Variants in PALM2AKAP2 observed in about 807,000 individuals in gnomAD.
PALM2AKAP2 encodes the protein PALM2 and AKAP2 fusion.
Under a neutral mutation model 71.5 loss-of-function variants are expected in PALM2AKAP2, and 37 were observed. That is an observed-to-expected ratio of 0.52 (90% CI 0.40 to 0.68). The LOEUF (loss-of-function observed/expected upper bound fraction) is 0.68. Ranked by LOEUF, PALM2AKAP2 falls within the 30% of genes least tolerant of loss-of-function variation. The probability of loss-of-function intolerance (pLI) is 0.00; values close to 1 mark genes in which losing one functional copy is unlikely to be tolerated. For missense variants in PALM2AKAP2, 1,224 were observed against 1,191.8 expected, an observed-to-expected ratio of 1.03 and a Z score of -0.40; for synonymous variants, 468 against 478.8, an observed-to-expected ratio of 0.98 and a Z score of 0.29.
chr9:109,939,709 C>T (rs1175621977), intron 6 of PALM2AKAP2, among the ~76,000 whole-genome samples: 1 of 152,178 alleles, frequency 6.6e-6, no homozygotes, highest in Non-Finnish European at 1.5e-5. Flanking sequence ...CTATTCTATT[C>T]TTCTGATGGC....
intron 7 of PALM2AKAP2, among the ~76,000 whole-genome samples, chr9:110,020,382 T>C (rs528540924): frequency 6.6e-6 from 1 of 152,158 alleles, no homozygotes; most frequent in African/African-American, 2.4e-5. Flanking sequence ...GAACTGTGAG[T>C]CAATTAAACC....
chr9:110,053,959 G>T (rs1693843932), intron 1 of PALM2AKAP2, among the ~76,000 whole-genome samples: 1 of 152,218 alleles, frequency 6.6e-6, no homozygotes, highest in Non-Finnish European at 1.5e-5. Flanking sequence ...GGAGCAGATG[G>T]GGTGGCAAGG....
chr9:110,012,612 TAAAAC>T (rs1832905099), intron 6 of PALM2AKAP2, among the ~76,000 whole-genome samples: 1 of 152,256 alleles, frequency 6.6e-6, no homozygotes, highest in African/African-American at 2.4e-5. Context: ...CTAAAACACT[TAAAAC>T]TAAAATAGCA....
intron 1 of PALM2AKAP2, among the ~76,000 whole-genome samples, chr9:110,135,164 A>AAAAAAAT: frequency 9.7e-5 from 5 of 51,744 alleles, no homozygotes; most frequent in Non-Finnish European, 1.1e-4. Context: ...AAAAAAAAAA[A>AAAAAAAT]ATATATAAAT....
intron 6 of PALM2AKAP2, among the ~76,000 whole-genome samples, chr9:109,955,615 G>A (rs1338645365): frequency 6.6e-6 from 1 of 151,448 alleles, no homozygotes; most frequent in Non-Finnish European, 1.5e-5. Flanking sequence ...TCATGTGGTT[G>A]TAGAATACTA....
rs149121985 is a variant in PALM2AKAP2, at chr9:109,642,081, A to C, written c.5+1215A>C. Among the ~76,000 whole-genome samples, 613 of 152,242 alleles carry C rather than the reference A, an allele frequency of 4.0e-3. 4 individuals are homozygous for C. The highest frequency in any genetic ancestry group is 0.014 in the African/African-American group (575 of 41,536). ...ACAAAGATGTTCCTTACTCACTTTG[A>C]AGCATTATTGAGAGGATCATGTAAT... On this transcript the variant is annotated intron_variant, in intron 1 of 6. Transcript: ENST00000374531.
At chr9:109,706,702 C>T (rs773183272) in intron 1 of PALM2AKAP2, among the ~76,000 whole-genome samples, 2 of 152,098 alleles carry the variant, frequency 1.3e-5, no homozygotes, top group Non-Finnish European at 2.9e-5. Flanking sequence ...TTTGGTATGT[C>T]CATAAATAAA....
intron 1 of PALM2AKAP2, among the ~76,000 whole-genome samples, chr9:109,743,185 TC>T (rs1212242065): frequency 1.3e-5 from 2 of 152,292 alleles, no homozygotes; most frequent in South Asian, 4.1e-4. Context: ...AAGGGAGGGA[TC>T]TTTTTCCCTC....
chr9:109,828,393 T>C (rs1360885897), intron 1 of PALM2AKAP2, among the ~76,000 whole-genome samples: 2 of 152,226 alleles, frequency 1.3e-5, no homozygotes, highest in East Asian at 3.8e-4. Flanking sequence ...GGCATGTGTG[T>C]CTTCTCAGGA....
chr9:109,865,707 GCC>G (rs1462634141), intron 1 of PALM2AKAP2, among the ~76,000 whole-genome samples: 1 of 152,194 alleles, frequency 6.6e-6, no homozygotes, highest in Non-Finnish European at 1.5e-5. Context: ...TGAGTCATCA[GCC>G]TCTCATATCT....
chr9:110,041,322 G>A (rs1233454029), intron 7 of PALM2AKAP2, among the ~76,000 whole-genome samples: 1 of 151,428 alleles, frequency 6.6e-6, no homozygotes, highest in African/African-American at 2.4e-5. Context: ...TAGTATACTG[G>A]TGCCATTTAC....
In PALM2AKAP2 at chr9:110,091,459, C is replaced by CTTTTTTTTTTTTTT. The variant is rs66848294; in HGVS notation, c.156+42612_156+42625dup. 1.9e-4 allele frequency among the ~76,000 whole-genome samples: 16 copies of CTTTTTTTTTTTTTT among 83,652 alleles called. 2 individuals are homozygous for CTTTTTTTTTTTTTT. Among genetic ancestry groups the CTTTTTTTTTTTTTT allele is most frequent in the African/African-American group, 4.1e-4 (8 of 19,320 alleles). 54.9% of individuals were successfully genotyped at this position (83,652 alleles called of 152,430 possible). On this transcript the variant is annotated intron_variant, in intron 1 of 3. Coordinates refer to ENST00000374525, the Ensembl canonical transcript of PALM2AKAP2. ...GGCTTTTTAATCTTTGAGATTTATT[C>CTTTTTTTTTTTTTT]TTTTTTTTTTTTTTTTTTTTTGAGA...
At chr9:109,669,371 T>A (rs1827540306) in intron 1 of PALM2AKAP2, among the ~76,000 whole-genome samples, 1 of 152,300 alleles carries the variant, frequency 6.6e-6, no homozygotes, top group Non-Finnish European at 1.5e-5. Context: ...CAGGCTTCTT[T>A]ATCTATGTTC....
rs777339321 is a variant in PALM2AKAP2, at chr9:110,138,044, CCTGAAGCGA to C, written c.2078_2086del (p.Glu693_Thr695del). On this transcript the variant is annotated inframe_deletion, in exon 2 of 4. Transcript: ENST00000374525. ...CAGGGATGGAGCAGAGCAACAGGGA[CCTGAAGCGA>C]CTGTAGAGGAAGCTGAAGCTGCGGC... is the stretch of plus-strand genomic sequence containing the variant. 5.0e-6 allele frequency: 8 copies of C among 1,613,116 alleles called. No individual in the cohort carries two copies. In the East Asian group the frequency reaches 1.8e-4, roughly 36 times the overall value.
intron 1 of PALM2AKAP2, among the ~76,000 whole-genome samples, chr9:110,070,197 A>G (rs1288406626): frequency 1.3e-5 from 2 of 152,348 alleles, no homozygotes; most frequent in Non-Finnish European, 2.9e-5. Flanking sequence ...CAGAGCTGAC[A>G]TTGTCCAGTC....
At chr9:110,074,234 C>A (rs1834269811) in intron 1 of PALM2AKAP2, among the ~76,000 whole-genome samples, 1 of 152,188 alleles carries the variant, frequency 6.6e-6, no homozygotes, top group Non-Finnish European at 1.5e-5. Flanking sequence ...CACCTATAAT[C>A]CTAGCTACTT....
chr9:109,786,488 A>G (rs1387652323), intron 1 of PALM2AKAP2, among the ~76,000 whole-genome samples: 2 of 152,240 alleles, frequency 1.3e-5, no homozygotes, highest in African/African-American at 4.8e-5. Flanking sequence ...AGAGATGCAG[A>G]TGACACCCTG....
chr9:109,956,161 T>C (rs1387358521), intron 6 of PALM2AKAP2, among the ~76,000 whole-genome samples: 1 of 151,788 alleles, frequency 6.6e-6, no homozygotes, highest in Admixed American at 6.6e-5. Context: ...CATGCCACCA[T>C]GCCAGGCTAA....
At chr9:110,085,160 C>T (rs1280744747) in intron 1 of PALM2AKAP2, among the ~76,000 whole-genome samples, 1 of 152,160 alleles carries the variant, frequency 6.6e-6, no homozygotes, top group Non-Finnish European at 1.5e-5. Context: ...CGGAGGGAAG[C>T]AGGCCGAAGT....
Sources: gnomAD v4.1 joint callset for allele counts (sites outside exome capture counted in the v4.1 genomes callset) on GRCh38, gnomAD v4.1.1 for gene constraint, MANE v1.5 for transcripts, NCBI Gene and HGNC (gene_info 2026-07-23, HGNC 2026-07-21) for gene names.